AKAP7: variants seen among roughly 807,000 people sequenced by gnomAD.
AKAP7 encodes A kinase (PRKA) anchor protein 7.
In AKAP7, 39 loss-of-function variants were observed where a neutral mutation model predicts 39.5. The observed-to-expected ratio is 0.99, with a 90% confidence interval of 0.76 to 1.29. AKAP7 has a LOEUF of 1.29. Ranked by LOEUF, AKAP7 falls within the 50% of genes most tolerant of loss-of-function variation. AKAP7 has a pLI of 0.00. For missense variants in AKAP7, 414 were observed against 407.7 expected, an observed-to-expected ratio of 1.02 and a Z score of -0.13; for synonymous variants, 140 against 139.1, an observed-to-expected ratio of 1.01 and a Z score of -0.05.
chr6:131,237,662 G>A (rs977635664), intron 7 of AKAP7, among the ~76,000 whole-genome samples: 4 of 151,968 alleles, frequency 2.6e-5, no homozygotes, highest in Admixed American at 1.3e-4. Context: ...GAATTTATCT[G>A]TTTCTTCTAG....
chr6:131,189,764 C>A (rs1028551045), intron 5 of AKAP7, among the ~76,000 whole-genome samples: 4 of 152,008 alleles, frequency 2.6e-5, no homozygotes, highest in African/African-American at 4.8e-5. Context: ...GCAAAGTGTC[C>A]TTGTATGTAA....
At chr6:131,188,794 T>C (rs2128268689) in intron 5 of AKAP7, among the ~76,000 whole-genome samples, 1 of 151,592 alleles carries the variant, frequency 6.6e-6, no homozygotes. Flanking sequence ...CTCAGGCAAT[T>C]CTCCCTCCTT....
At chr6:131,207,517 T>C (rs375651119) in intron 6 of AKAP7, among the ~76,000 whole-genome samples, 1 of 141,564 alleles carries the variant, frequency 7.1e-6, no homozygotes, top group African/African-American at 2.7e-5. Context: ...TTTTTTTTTT[T>C]AGATATGGGG....
intron 1 of AKAP7, among the ~76,000 whole-genome samples, chr6:131,138,892 A>G (rs989451829): frequency 1.9e-4 from 29 of 152,218 alleles, no homozygotes; most frequent in Admixed American, 7.9e-4. Context: ...ATAGTTTACC[A>G]GCTTCACCTC....
At chr6:131,179,198 G>A (rs1804873333) in intron 5 of AKAP7, among the ~76,000 whole-genome samples, 1 of 151,914 alleles carries the variant, frequency 6.6e-6, no homozygotes, top group Non-Finnish European at 1.5e-5. Context: ...TTTTGAGATG[G>A]AGTCTCGCCC....
chr6:131,134,472 C>T (rs1800403472), upstream of AKAP7, among the ~76,000 whole-genome samples: 1 of 152,176 alleles, frequency 6.6e-6, no homozygotes, highest in African/African-American at 2.4e-5. Context: ...ATGTGGACCA[C>T]ATTTTTGCAG....
intron 6 of AKAP7, among the ~76,000 whole-genome samples, chr6:131,206,817 AT>A: frequency 6.6e-6 from 1 of 150,680 alleles, no homozygotes; most frequent in East Asian, 1.9e-4. Flanking sequence ...ATCTCTGCAT[AT>A]TTTTTCAGGA....
intron 2 of AKAP7, 146 bp from the exon 3 acceptor site, chr6:131,159,913 T>A (rs1269250614): frequency 1.3e-6 from 1 of 754,920 alleles, no homozygotes; most frequent in Non-Finnish European, 2.1e-6. Flanking sequence ...TATGAGGTCC[T>A]TTACAGAAAT....
At chr6:131,261,657 A>G (rs552339057) in intron 7 of AKAP7, among the ~76,000 whole-genome samples, 1 of 152,318 alleles carries the variant, frequency 6.6e-6, no homozygotes, top group African/African-American at 2.4e-5. Flanking sequence ...AAAGACATAA[A>G]TTGTTTTATG....
In AKAP7 at chr6:131,179,215, C is replaced by G. The variant is rs377450475; in HGVS notation, c.589+9942C>G. 1.3e-3 allele frequency among the ~76,000 whole-genome samples: 202 copies of G among 152,090 alleles called. 1 individual carries two copies. Among genetic ancestry groups the G allele is most frequent in the African/African-American group, 4.6e-3 (191 of 41,488 alleles). ...TTGAGATGGAGTCTCGCCCTGTTGC[C>G]CAGGCTGGAGTGCAGTTGCACAATC... On this transcript the variant is annotated intron_variant, in intron 5 of 7. Transcript: ENST00000431975.
intron 7 of AKAP7, among the ~76,000 whole-genome samples, chr6:131,244,513 A>G (rs1035012780): frequency 6.6e-6 from 1 of 152,218 alleles, no homozygotes; most frequent in Non-Finnish European, 1.5e-5. Context: ...TCAGTGCTCT[A>G]CTGCTGTGTG....
intron 6 of AKAP7, among the ~76,000 whole-genome samples, chr6:131,207,317 CA>C (rs940869562): frequency 1.5e-5 from 2 of 130,618 alleles, no homozygotes; most frequent in African/African-American, 2.7e-5. Context: ...ATACTCTACA[CA>C]TTTTTTTTTT....
chr6:131,184,638 T>G (rs1805636608), intron 5 of AKAP7: 2 of 761,190 alleles, frequency 2.6e-6, no homozygotes, highest in Non-Finnish European at 2.4e-6. Context: ...CCTCAGGTTG[T>G]CCCATCTTCT....
At chr6:131,177,533 T>C (rs1804703082) in intron 5 of AKAP7, among the ~76,000 whole-genome samples, 1 of 152,172 alleles carries the variant, frequency 6.6e-6, no homozygotes, top group Admixed American at 6.5e-5. Context: ...AAGGCATTCA[T>C]CTATTTATGA....
intron 1 of AKAP7, 81 bp downstream of exon 1, chr6:131,135,863 G>C (rs1800490661): frequency 2.5e-6 from 3 of 1,210,376 alleles, no homozygotes; most frequent in Non-Finnish European, 2.1e-6. Context: ...CTCGAACTTT[G>C]GGAGGGCCTG....
intron 5 of AKAP7, among the ~76,000 whole-genome samples, chr6:131,170,359 G>GAA (rs1803931695): frequency 6.8e-6 from 1 of 147,864 alleles, no homozygotes; most frequent in African/African-American, 2.5e-5. Context: ...GCAGAATCTG[G>GAA]AAAAAAAGAA....
Position 131,282,196 on chromosome 6 carries a change from A to G in AKAP7, c.*470A>G, listed in dbSNP as rs982705240. On this transcript the variant is annotated 3_prime_UTR_variant, in exon 8 of 8. Transcript: ENST00000431975. ...CTGTACAATTAGTCCATAATGTTTC[A>G]TGTTTGTCCTAAGTGTGCTGTTGCT... The G allele has an allele frequency of 3.9e-6, 5 of 1,285,898 alleles. No individual in the cohort carries two copies. In the Admixed American group the frequency reaches 1.1e-4, roughly 29 times the overall value. The allele number at this position is 1,285,898 out of a possible 1,614,324, so 79.7% of individuals were successfully genotyped here.
chr6:131,172,425 C>T (rs1226173090), intron 5 of AKAP7, among the ~76,000 whole-genome samples: 1 of 152,162 alleles, frequency 6.6e-6, no homozygotes, highest in Non-Finnish European at 1.5e-5. Context: ...TCATGACTCA[C>T]TGCAGCCTTG....
chr6:131,258,102 A>C (rs1813013313), intron 7 of AKAP7, among the ~76,000 whole-genome samples: 1 of 152,144 alleles, frequency 6.6e-6, no homozygotes, highest in South Asian at 2.1e-4. Flanking sequence ...CTTACTATTC[A>C]TGTTCCATTT....
Sources: allele counts gnomAD v4.1 joint callset (sites outside exome capture counted in the v4.1 genomes callset), GRCh38; gene constraint gnomAD v4.1.1; transcripts MANE v1.5; gene names NCBI Gene and HGNC (gene_info 2026-07-23, HGNC 2026-07-21).